The following SGCD variants were observed in gnomAD, a reference collection of about 807,000 sequenced individuals.
SGCD encodes the protein delta-sarcoglycan.
Under a neutral mutation model 36.6 loss-of-function variants are expected in SGCD, and 18 were observed. The observed-to-expected ratio is 0.49, with a 90% confidence interval of 0.34 to 0.73. The LOEUF is 0.73. SGCD is among the 30% of genes least tolerant of loss of function. The pLI is 0.01. For synonymous variants in SGCD, 133 were observed against 130.6 expected, an observed-to-expected ratio of 1.02 and a Z score of -0.12; for missense variants, 387 against 346.7, an observed-to-expected ratio of 1.12 and a Z score of -0.92.
rs560307720 is a variant in SGCD, at chr5:156,146,208, A to G, written c.-44+22189A>G. Among the ~76,000 whole-genome samples, 8 of 152,306 alleles carry G rather than the reference A, an allele frequency of 5.3e-5. No homozygotes were observed. The South Asian group carries it at 1.2e-3, about 24-fold the overall frequency. Reference sequence around the variant, plus strand: ...AGCCTGGGCGACAGAGCGAGACTCCATCTCTAAAAAACAAAACAAAAAAGG... The same window carrying G: ...AGCCTGGGCGACAGAGCGAGACTCCGTCTCTAAAAAACAAAACAAAAAAGG... On this transcript the variant is annotated intron_variant, in intron 3 of 9. Transcript: ENST00000517913.
chr5:156,368,978 T>G (rs1770249543), intron 3 of SGCD, among the ~76,000 whole-genome samples: 1 of 152,202 alleles, frequency 6.6e-6, no homozygotes, highest in Non-Finnish European at 1.5e-5. Flanking sequence ...AACTAGTCCC[T>G]CGTATCAAAA....
At chr5:156,643,680 G>T (rs1297422693) in intron 6 of SGCD, among the ~76,000 whole-genome samples, 1 of 152,024 alleles carries the variant, frequency 6.6e-6, no homozygotes, top group African/African-American at 2.4e-5. Flanking sequence ...CAGTATTTGG[G>T]TGTTTCAAGA....
In SGCD at chr5:156,344,522, A is replaced by G. The variant is rs1303645291; in HGVS notation, c.37A>G (p.Thr13Ala). ...PQEQYTHHRS[T>A]MPGSVGPQVY... ...GGAGCAGTACACTCACCACCGGAGCACCATGCCTGGCTCTGTGGGGCCACA... is the reference window on the plus strand; with the variant it reads ...GGAGCAGTACACTCACCACCGGAGCGCCATGCCTGGCTCTGTGGGGCCACA... Residue 13 changes from threonine to alanine, a missense_variant, in exon 3 of 9, where the codon ACC (threonine) becomes GCC (alanine). Transcript: ENST00000337851. The G allele has an allele frequency of 6.2e-7, 1 of 1,608,940 alleles. No individual in the cohort carries two copies. Among genetic ancestry groups the G allele is most frequent in the Non-Finnish European group, 8.5e-7 (1 of 1,177,842 alleles).
chr5:156,070,335 C>T (rs1760505194), intron 1 of SGCD, among the ~76,000 whole-genome samples: 1 of 151,998 alleles, frequency 6.6e-6, no homozygotes, highest in Non-Finnish European at 1.5e-5. Flanking sequence ...GAGTTTTTAG[C>T]ATGAAGCGTT....
intron 3 of SGCD, among the ~76,000 whole-genome samples, chr5:156,213,176 A>T (rs1275685118): frequency 2.0e-5 from 3 of 152,028 alleles, no homozygotes; most frequent in African/African-American, 7.2e-5. Flanking sequence ...TGAGATCGAG[A>T]CTAGAAAAAC....
intron 6 of SGCD, among the ~76,000 whole-genome samples, chr5:156,626,765 A>G (rs1762454926): frequency 6.7e-6 from 1 of 150,280 alleles, no homozygotes; most frequent in South Asian, 2.1e-4. Context: ...CCCATTACTT[A>G]GGGCTTATAT....
At chr5:155,877,403 T>C (rs951834122) in intron 1 of SGCD, among the ~76,000 whole-genome samples, 3 of 152,158 alleles carry the variant, frequency 2.0e-5, no homozygotes, top group African/African-American at 4.8e-5. Flanking sequence ...AAGTTCTTCC[T>C]TCTTGCAAAT....
intron 3 of SGCD, among the ~76,000 whole-genome samples, chr5:156,451,601 C>T (rs976390374): frequency 1.3e-5 from 2 of 152,256 alleles, no homozygotes; most frequent in Admixed American, 6.5e-5. Context: ...CCCTCCAGCA[C>T]TGATTTGCTA....
chr5:155,730,635 C>T, the SGCD span, among the ~76,000 whole-genome samples: 9 of 152,104 alleles, frequency 5.9e-5, no homozygotes, highest in African/African-American at 2.2e-4. Flanking sequence ...ACACTTGGCG[C>T]TGCCACATCG....
intron 1 of SGCD, among the ~76,000 whole-genome samples, chr5:156,029,195 G>C (rs1561688096): frequency 6.6e-6 from 1 of 152,118 alleles, no homozygotes; most frequent in Non-Finnish European, 1.5e-5. Context: ...ACAGATATAA[G>C]CACAGGTTCT....
upstream of SGCD, among the ~76,000 whole-genome samples, chr5:155,867,310 G>A (rs1755542841): frequency 6.6e-6 from 1 of 152,168 alleles, no homozygotes; most frequent in African/African-American, 2.4e-5. Flanking sequence ...ATAAAGCACT[G>A]AAAGTGTGGT....
the SGCD span, among the ~76,000 whole-genome samples, chr5:155,771,516 C>G: frequency 7.9e-5 from 12 of 152,030 alleles, no homozygotes; most frequent in African/African-American, 2.9e-4. Context: ...CTCCACCTCC[C>G]AGGTTCAAGC....
intron 3 of SGCD, among the ~76,000 whole-genome samples, chr5:156,210,649 G>C (rs549662875): frequency 1.3e-4 from 20 of 151,846 alleles, no homozygotes; most frequent in African/African-American, 4.6e-4. Context: ...TCCTGGGACT[G>C]AAAAATATAA....
intron 1 of SGCD, among the ~76,000 whole-genome samples, chr5:155,873,354 A>T (rs774311329): frequency 3.6e-4 from 55 of 152,226 alleles, no homozygotes; most frequent in Non-Finnish European, 6.9e-4. Context: ...TAACTCAGGA[A>T]CAGAAAACCT....
intron 3 of SGCD, among the ~76,000 whole-genome samples, chr5:156,449,233 C>T (rs1753887361): frequency 6.6e-6 from 1 of 152,028 alleles, no homozygotes; most frequent in Non-Finnish European, 1.5e-5. Context: ...CATCTGCGAT[C>T]AGGTAAGTTT....
intron 3 of SGCD, among the ~76,000 whole-genome samples, chr5:156,145,807 G>A (rs1762696548): frequency 6.6e-6 from 1 of 152,132 alleles, no homozygotes; most frequent in South Asian, 2.1e-4. Context: ...AAAGACAATT[G>A]TAAACCACAG....
the SGCD span, among the ~76,000 whole-genome samples, chr5:155,746,550 T>C: frequency 6.6e-6 from 1 of 152,208 alleles, no homozygotes; most frequent in Non-Finnish European, 1.5e-5. Context: ...TTCTGTGTTG[T>C]GGGTTTTTAT....
chr5:156,113,434 C>T (rs929007529), intron 1 of SGCD, among the ~76,000 whole-genome samples: 1 of 152,186 alleles, frequency 6.6e-6, no homozygotes, highest in East Asian at 1.9e-4. Flanking sequence ...AAATTCCTGA[C>T]CTCAGAGATC....
intron 3 of SGCD, among the ~76,000 whole-genome samples, chr5:156,171,487 C>A (rs942783197): frequency 1.8e-4 from 27 of 152,256 alleles, no homozygotes; most frequent in African/African-American, 6.3e-4. Flanking sequence ...AATGTGTTAT[C>A]TTGGATTGAA....
Sources: gnomAD v4.1 joint callset for allele counts (sites outside exome capture counted in the v4.1 genomes callset) on GRCh38, gnomAD v4.1.1 for gene constraint, MANE v1.5 for transcripts, NCBI Gene and HGNC (gene_info 2026-07-23, HGNC 2026-07-21) for gene names.